Variants in MEIS3 observed in about 807,000 individuals in gnomAD.
MEIS3 encodes the protein homeobox protein Meis3.
MEIS3 carries 38 observed loss-of-function variants against 51.4 expected under a neutral mutation model. The observed-to-expected ratio is 0.74, with a 90% confidence interval of 0.57 to 0.97. The LOEUF is 0.97. Ranked by LOEUF, MEIS3 falls within the 50% of genes least tolerant of loss-of-function variation. The probability of loss-of-function intolerance (pLI) is 0.00; values close to 1 mark genes in which losing one functional copy is unlikely to be tolerated. For synonymous variants in MEIS3, 198 were observed against 201.8 expected (o/e 0.98, Z 0.16); for missense variants, 456 against 502.6 (o/e 0.91, Z 0.89).
In MEIS3 at chr19:47,416,723, C is replaced by T. The variant is rs184034308; in HGVS notation, c.346-21G>A. ...CGAACCTGGGAGGGAAGAGAGAGGC[C>T]GGCAGGGGGATGTCCCGCCTTCCAC... is the stretch of plus-strand genomic sequence containing the variant. On this transcript the variant is annotated intron_variant, in intron 3 of 12. Transcript: ENST00000558555. 646 of 1,603,358 alleles carry T rather than the reference C, an allele frequency of 4.0e-4. 1 individual carries two copies. The East Asian group carries it at 5.5e-3, about 14-fold the overall frequency.
chr19:47,415,564 TC>T (rs2055734205), intron 4 of MEIS3, among the ~76,000 whole-genome samples: 3 of 137,164 alleles, frequency 2.2e-5, no homozygotes, highest in African/African-American at 8.2e-5. Flanking sequence ...CTTTCTTCTC[TC>T]TCTCTCTCTT....
intron 8 of MEIS3, 60 bp from the exon 9 acceptor site, chr19:47,407,488 G>A (rs769067409): frequency 3.1e-6 from 5 of 1,612,728 alleles, no homozygotes; most frequent in East Asian, 4.5e-5. Flanking sequence ...GAACCCCAAG[G>A]TCTGGCCCAC....
Position 47,409,527 on chromosome 19 carries a change from G to T in MEIS3, c.618C>A (p.Asp206Glu). 6.2e-7 allele frequency: 1 copy of T among 1,613,764 alleles called. No individual in the cohort carries two copies. The highest frequency in any genetic ancestry group is 8.5e-7 in the Non-Finnish European group (1 of 1,179,702). ...LPDQNNMWIR[D>E]HEDSGSVHLG... ...AATGTACAGACCCACTATCCTCATG[G>T]TCTCGAATCCACATATTATTCTAGA... Residue 206 changes from aspartate to glutamate, a missense_variant, in exon 7 of 13, where the codon GAC (aspartate) becomes GAA (glutamate). By Grantham distance (45) the Asp-to-Glu change is conservative. Transcript: ENST00000558555.
chr19:47,417,625 G>C (rs1971514715), intron 1 of MEIS3: 1 of 702,892 alleles, frequency 1.4e-6, no homozygotes, highest in Non-Finnish European at 2.6e-6. Context: ...GGCTGGGAGG[G>C]AAAAGAGATG....
intron 12 of MEIS3, among the ~76,000 whole-genome samples, chr19:47,405,572 T>TC (rs1455431777): frequency 6.6e-6 from 1 of 151,668 alleles, no homozygotes; most frequent in Non-Finnish European, 1.5e-5. Flanking sequence ...ATTTTTTTTT[T>TC]TTTTTTTTTT....
At position 47,403,497 on chromosome 19, in the gene MEIS3, G is replaced by A. The variant is rs1398400921; in HGVS notation, c.*74C>T. On this transcript the variant is annotated 3_prime_UTR_variant, in exon 13 of 13. Transcript: ENST00000558555. The stretch of plus-strand genomic sequence containing the variant: ...TGGAGGTGGGGTCCTGAAGCTGGAG[G>A]ACCAGGCGGGAACCAGAGGCAGGTG... 2.2e-6 allele frequency: 1 copy of A among 456,170 alleles called. No homozygotes were observed. Among genetic ancestry groups the A allele is most frequent in the Middle Eastern group, 3.5e-4 (1 of 2,850 alleles). The allele number at this position is 456,170 out of a possible 1,614,324, so 28.3% of individuals were successfully genotyped here.
chr19:47,420,998 TCCTGGGAC>T, upstream of MEIS3, among the ~76,000 whole-genome samples: 1 of 142,876 alleles, frequency 7.0e-6, no homozygotes, highest in East Asian at 2.1e-4. Flanking sequence ...CCTTAAATAG[TCCTGGGAC>T]CCTTCTGTTC....
At chr19:47,420,521 CAGAGAGAG>C (rs148696106), upstream of MEIS3, among the ~76,000 whole-genome samples, 627 of 135,130 alleles carry the variant, frequency 4.6e-3, 4 homozygotes, top group African/African-American at 0.016. Context: ...CGGTGTGATT[CAGAGAGAG>C]AGAGAGACAG....
Position 47,407,414 on chromosome 19 carries a change from C to T in MEIS3, c.873G>A (p.Ser291=). ...GCGCCAGCTGTTTCTTCTGCTCCTCCGAGGGGTACGGGTGCTGCAGCCACC... is the reference window on the plus strand; with the variant it reads ...GCGCCAGCTGTTTCTTCTGCTCCTCTGAGGGGTACGGGTGCTGCAGCCACC... The part of the protein sequence containing the change: ...LFQHLSHPYP[S]EEQKKQLAQD... Residue 291 remains serine, a synonymous_variant, in exon 9 of 13, where the codon TCG becomes TCA. Transcript: ENST00000558555. 1 of 1,613,836 alleles carries T rather than the reference C, an allele frequency of 6.2e-7. No individual in the cohort carries two copies. Among genetic ancestry groups the T allele is most frequent in the Admixed American group, 1.7e-5 (1 of 60,008 alleles).
At chr19:47,407,887 A>G (rs1290534461) in intron 8 of MEIS3, among the ~76,000 whole-genome samples, 1 of 152,138 alleles carries the variant, frequency 6.6e-6, no homozygotes, top group Non-Finnish European at 1.5e-5. Flanking sequence ...TGCTCACCGC[A>G]AACTCCGCCT....
chr19:47,417,519 C>A (rs777359585), intron 1 of MEIS3, 169 bp from the exon 2 acceptor site: 14 of 814,148 alleles, frequency 1.7e-5, no homozygotes, highest in South Asian at 1.6e-4. Context: ...CCCTCCAGGT[C>A]CCCTGGAGCT....
intron 11 of MEIS3, 150 bp downstream of exon 11, chr19:47,406,738 G>A (rs1394766092): frequency 7.1e-6 from 6 of 848,596 alleles, no homozygotes; most frequent in South Asian, 1.8e-5. Context: ...AAAGATGGGG[G>A]ACCAGGAAAT....
chr19:47,407,199 G>C, intron 9 of MEIS3, 62 bp from the exon 10 acceptor site: 1 of 1,557,624 alleles, frequency 6.4e-7, no homozygotes, highest in Non-Finnish European at 8.7e-7. Flanking sequence ...AGGCCAAGAC[G>C]AACACAGAGC....
At chr19:47,403,663 A>T (rs1162602497) in intron 12 of MEIS3, 110 bp from the exon 13 acceptor site, 2 of 334,884 alleles carry the variant, frequency 6.0e-6, no homozygotes, top group African/African-American at 4.4e-5. Flanking sequence ...ACACAGAGAG[A>T]GTGGCTGGCG....
At chr19:47,418,082 G>A (rs1005546806) in intron 1 of MEIS3, 2 of 237,760 alleles carry the variant, frequency 8.4e-6, no homozygotes, top group South Asian at 1.4e-4. Flanking sequence ...GGGTCACTCC[G>A]CACCACCATA....
At chr19:47,406,281 G>T in intron 12 of MEIS3, 179 bp downstream of exon 12, 1 of 533,882 alleles carries the variant, frequency 1.9e-6, no homozygotes. Context: ...GAGGATGGAT[G>T]GATGGATGGA....
intron 6 of MEIS3, among the ~76,000 whole-genome samples, chr19:47,411,156 C>T (rs1431196199): frequency 6.6e-6 from 1 of 152,088 alleles, no homozygotes; most frequent in Non-Finnish European, 1.5e-5. Context: ...AGGCTGGTCT[C>T]GAACTCCTGG....
At chr19:47,406,847 G>T in intron 11 of MEIS3, 41 bp downstream of exon 11, 2 of 1,514,264 alleles carry the variant, frequency 1.3e-6, no homozygotes, top group Non-Finnish European at 1.8e-6. Context: ...GGTGGGTCAT[G>T]GTGCGCAGGG....
rs188205302 is a variant in MEIS3 at position 47,407,467 on chromosome 19, G to A, written c.859-39C>T. The A allele has an allele frequency of 1.1e-5, 18 of 1,613,720 alleles. 1 individual carries two copies. Among genetic ancestry groups the A allele is most frequent in the Middle Eastern group, 3.3e-4 (2 of 6,016 alleles). Reference sequence around the variant, plus strand: ...CAAGAGTCACTCTGCCTGCCTGGCCGGCCGCAGTCTGAACCCCAAGGTCTG... The same window carrying A: ...CAAGAGTCACTCTGCCTGCCTGGCCAGCCGCAGTCTGAACCCCAAGGTCTG... On this transcript the variant is annotated intron_variant, in intron 8 of 12. Transcript: ENST00000558555.
Sources: gnomAD v4.1 joint callset for allele counts (sites outside exome capture counted in the v4.1 genomes callset) on GRCh38, gnomAD v4.1.1 for gene constraint, MANE v1.5 for transcripts, NCBI Gene and HGNC (gene_info 2026-07-23, HGNC 2026-07-21) for gene names.